The following KCNIP4 variants were observed in gnomAD, a reference collection of about 807,000 sequenced individuals.
The protein encoded by KCNIP4 is Kv channel-interacting protein 4.
A neutral mutation model predicts 34.0 loss-of-function variants in KCNIP4; 12 were observed. That is an observed-to-expected ratio of 0.35 (90% CI 0.23 to 0.57). KCNIP4 has a LOEUF of 0.57. Among genes scored for constraint, KCNIP4 ranks in the 20% least tolerant of loss-of-function variants. The pLI is 0.83. For missense variants in KCNIP4, 238 were observed against 311.7 expected (o/e 0.76, Z 1.78); for synonymous variants, 124 against 102.2 (o/e 1.21, Z -1.29).
intron 1 of KCNIP4, among the ~76,000 whole-genome samples, chr4:21,806,805 G>T (rs1422042277): frequency 6.6e-6 from 1 of 152,114 alleles, no homozygotes; most frequent in Non-Finnish European, 1.5e-5. Context: ...TAAAAGAGCA[G>T]TTCCCAACCT....
chr4:20,822,922 C>T (rs1464007946), intron 3 of KCNIP4, among the ~76,000 whole-genome samples: 1 of 151,964 alleles, frequency 6.6e-6, no homozygotes, highest in African/African-American at 2.4e-5. Context: ...CCCTTTTTCC[C>T]TTCTATGTCT....
intron 1 of KCNIP4, chr4:21,849,541 T>A (rs528534475): frequency 1.3e-5 from 2 of 152,198 alleles, no homozygotes; most frequent in East Asian, 3.9e-4. Context: ...GCTCACATCG[T>A]CCCAGCAGAA....
intron 1 of KCNIP4, among the ~76,000 whole-genome samples, chr4:21,914,267 G>T (rs1212148688): frequency 6.6e-6 from 1 of 152,130 alleles, no homozygotes; most frequent in East Asian, 1.9e-4. Flanking sequence ...GAAAGAGGGA[G>T]ATCTGAGAGA....
At chr4:21,834,376 T>C (rs2109310109) in intron 1 of KCNIP4, among the ~76,000 whole-genome samples, 1 of 152,308 alleles carries the variant, frequency 6.6e-6, no homozygotes, top group South Asian at 2.1e-4. Flanking sequence ...AGTTCACTCA[T>C]GATTTGGCTC....
intron 1 of KCNIP4, among the ~76,000 whole-genome samples, chr4:21,104,553 A>G (rs1424946654): frequency 2.6e-5 from 4 of 151,850 alleles, no homozygotes; most frequent in African/African-American, 7.3e-5. Flanking sequence ...TTGCCTGTTC[A>G]CTCTGATGGT....
chr4:20,996,154 A>G (rs1577504967), intron 1 of KCNIP4, among the ~76,000 whole-genome samples: 1 of 152,198 alleles, frequency 6.6e-6, no homozygotes. Flanking sequence ...TTCCACCTCC[A>G]AAGTACATTC....
chr4:21,701,459 C>T (rs1203726676), intron 1 of KCNIP4, among the ~76,000 whole-genome samples: 2 of 152,224 alleles, frequency 1.3e-5, no homozygotes, highest in East Asian at 1.9e-4. Flanking sequence ...TGTTAATCAT[C>T]TTGATTTAAT....
At chr4:21,165,449 C>CA (rs1161082468) in intron 1 of KCNIP4, among the ~76,000 whole-genome samples, 190 of 618 alleles carry the variant, frequency 0.31, 63 homozygotes, top group East Asian at 0.41. Context: ...TTGAAAGCAT[C>CA]AAAAAAAAAA....
At chr4:20,739,379 A>C (rs1750506401) in intron 5 of KCNIP4, among the ~76,000 whole-genome samples, 2 of 152,098 alleles carry the variant, frequency 1.3e-5, no homozygotes, top group Admixed American at 1.3e-4. Context: ...CTCTAAGACA[A>C]AGCTTCCAGA....
intron 1 of KCNIP4, among the ~76,000 whole-genome samples, chr4:21,141,879 C>A (rs1048383878): frequency 1.3e-5 from 2 of 151,214 alleles, no homozygotes; most frequent in Admixed American, 6.6e-5. Context: ...AAAAAAAAAA[C>A]CCTGGCTCAA....
intron 1 of KCNIP4, among the ~76,000 whole-genome samples, chr4:20,930,975 T>C (rs1730403785): frequency 6.6e-6 from 1 of 151,944 alleles, no homozygotes; most frequent in Admixed American, 6.6e-5. Flanking sequence ...AATTAAAAAA[T>C]AGACCAGCAA....
intron 1 of KCNIP4, among the ~76,000 whole-genome samples, chr4:21,912,422 T>G (rs1359810487): frequency 2.0e-5 from 3 of 152,362 alleles, no homozygotes; most frequent in Middle Eastern, 3.4e-3. Context: ...TCAGTTCTGG[T>G]TTTTGTCCAC....
In KCNIP4 at chr4:21,034,214, C is replaced by A. The variant is rs1418985894; in HGVS notation, c.62-151505G>T. On this transcript the variant is annotated intron_variant, in intron 1 of 8. Coordinates refer to ENST00000382152, the MANE Select transcript of KCNIP4 (RefSeq NM_025221.6). ...CACACTTATAGAAGAGTTCCTTCCC[C>A]CTAAACCCTAGAATTCTAGCAGAGA... Among the ~76,000 whole-genome samples, 3 of 152,022 alleles carry A rather than the reference C, an allele frequency of 2.0e-5. No individual in the cohort carries two copies. The East Asian group carries it at 5.8e-4, about 29-fold the overall frequency.
intron 1 of KCNIP4, among the ~76,000 whole-genome samples, chr4:21,339,588 T>C (rs1716536438): frequency 2.0e-5 from 3 of 152,032 alleles, no homozygotes; most frequent in African/African-American, 7.2e-5. Flanking sequence ...TGGGGATAAA[T>C]AGAAAGGGAA....
intron 1 of KCNIP4, among the ~76,000 whole-genome samples, chr4:21,817,686 A>C (rs1230869832): frequency 2.0e-5 from 3 of 152,116 alleles, no homozygotes; most frequent in African/African-American, 7.2e-5. Context: ...TGTCTGTCTT[A>C]TGCAGTTGAG....
chr4:21,105,821 G>A lies in KCNIP4; in HGVS notation c.62-223112C>T, dbSNP rs558533707. On this transcript the variant is annotated intron_variant, in intron 1 of 8. Coordinates refer to ENST00000382152, the MANE Select transcript of KCNIP4 (RefSeq NM_025221.6). ...TTAGCATGAAGGGTTGTTGAATTTT[G>A]TCCAAGGCCTTTTCTGCATCTATTG... Among the ~76,000 whole-genome samples the A allele has an allele frequency of 1.8e-4, 28 of 151,536 alleles. No individual in the cohort carries two copies. The South Asian group carries it at 5.8e-3, about 32-fold the overall frequency.
At chr4:21,185,479 C>T (rs1755147465) in intron 1 of KCNIP4, among the ~76,000 whole-genome samples, 1 of 151,622 alleles carries the variant, frequency 6.6e-6, no homozygotes, top group Non-Finnish European at 1.5e-5. Flanking sequence ...CTTCCTCCTC[C>T]TCCCCCTCCT....
intron 3 of KCNIP4, among the ~76,000 whole-genome samples, chr4:20,843,242 A>C (rs969539869): frequency 2.8e-4 from 42 of 152,110 alleles, no homozygotes; most frequent in Admixed American, 9.8e-4. Context: ...TGAAGGTAAC[A>C]TTTTTGTCAA....
chr4:21,302,984 C>A (rs1239645429), intron 1 of KCNIP4, among the ~76,000 whole-genome samples: 1 of 152,020 alleles, frequency 6.6e-6, no homozygotes, highest in Non-Finnish European at 1.5e-5. Context: ...AATTGCTCTG[C>A]CAACTTTAGA....
Sources: allele counts gnomAD v4.1 joint callset (sites outside exome capture counted in the v4.1 genomes callset), GRCh38; gene constraint gnomAD v4.1.1; transcripts MANE v1.5; gene names NCBI Gene and HGNC (gene_info 2026-07-23, HGNC 2026-07-21).